Variants in NKAIN2 observed in about 807,000 individuals in gnomAD.
The protein encoded by NKAIN2 is sodium/potassium-transporting ATPase subunit beta-1-interacting protein 2.
NKAIN2 carries 14 observed loss-of-function variants against 32.6 expected under a neutral mutation model. That is an observed-to-expected ratio of 0.43 (90% CI 0.28 to 0.67). The LOEUF (loss-of-function observed/expected upper bound fraction) is 0.67. Ranked by LOEUF, NKAIN2 falls within the 30% of genes least tolerant of loss-of-function variation. The pLI is 0.17. For missense variants in NKAIN2, 198 were observed against 258.3 expected, an observed-to-expected ratio of 0.77 and a Z score of 1.60; for synonymous variants, 80 against 87.2, an observed-to-expected ratio of 0.92 and a Z score of 0.46.
At chr6:124,777,171 C>T (rs1273847436) in intron 4 of NKAIN2, among the ~76,000 whole-genome samples, 1 of 152,092 alleles carries the variant, frequency 6.6e-6, no homozygotes, top group East Asian at 1.9e-4. Flanking sequence ...GAAAGTTATG[C>T]TTTTGTGTAT....
intron 1 of NKAIN2, among the ~76,000 whole-genome samples, chr6:123,878,676 T>G (rs914176982): frequency 6.6e-6 from 1 of 152,176 alleles, no homozygotes; most frequent in African/African-American, 2.4e-5. Flanking sequence ...CGGGGTAAAC[T>G]TCAAGTGCTG....
At chr6:124,461,752 A>G (rs1776539802) in intron 3 of NKAIN2, among the ~76,000 whole-genome samples, 1 of 151,838 alleles carries the variant, frequency 6.6e-6, no homozygotes, top group Non-Finnish European at 1.5e-5. Context: ...TTTCTCTAAA[A>G]TATTTTACCA....
intron 1 of NKAIN2, among the ~76,000 whole-genome samples, chr6:124,019,566 G>A (rs1331086742): frequency 6.6e-6 from 1 of 152,034 alleles, no homozygotes; most frequent in Admixed American, 6.6e-5. Context: ...AGAGTAGTAA[G>A]CTCTTGGTCA....
intron 3 of NKAIN2, among the ~76,000 whole-genome samples, chr6:124,433,979 G>GA (rs531869087): frequency 1.9e-3 from 284 of 152,040 alleles, no homozygotes; most frequent in Non-Finnish European, 3.2e-3. Flanking sequence ...AGGATAAAGC[G>GA]AAAAAAATCC....
At chr6:124,612,995 T>G (rs150905713) in intron 3 of NKAIN2, among the ~76,000 whole-genome samples, 1 of 152,032 alleles carries the variant, frequency 6.6e-6, no homozygotes, top group African/African-American at 2.4e-5. Flanking sequence ...AAATACAAAG[T>G]CAACTAAAAG....
chr6:124,202,904 AC>A (rs1291688742), intron 1 of NKAIN2, among the ~76,000 whole-genome samples: 13 of 151,930 alleles, frequency 8.6e-5, no homozygotes, highest in African/African-American at 3.1e-4. Flanking sequence ...TGATTGTGGC[AC>A]CTACAAGAGG....
rs78518356 is a variant in NKAIN2, at chr6:123,890,016, C to A, written c.54+85762C>A. ...ATCTGCATGTGTTCAGTGAGAAGAA[C>A]CTACCACTCATCTTTGGTTCACCTC... On this transcript the variant is annotated intron_variant, in intron 1 of 6. Transcript: ENST00000368417. 3.6e-3 allele frequency among the ~76,000 whole-genome samples: 547 copies of A among 152,112 alleles called. 17 individuals are homozygous for A. The East Asian group carries it at 0.087, about 24-fold the overall frequency.
At chr6:123,895,486 C>T (rs1562244395) in intron 1 of NKAIN2, among the ~76,000 whole-genome samples, 1 of 152,260 alleles carries the variant, frequency 6.6e-6, no homozygotes, top group East Asian at 1.9e-4. Context: ...CTTACTCTTT[C>T]AGATCTACCT....
At chr6:124,416,058 G>T (rs1334854543) in intron 3 of NKAIN2, among the ~76,000 whole-genome samples, 2 of 151,516 alleles carry the variant, frequency 1.3e-5, no homozygotes, top group Non-Finnish European at 2.9e-5. Context: ...TGGAAAGATA[G>T]ACAACAATTT....
At chr6:123,863,998 A>G (rs1323559806) in intron 1 of NKAIN2, among the ~76,000 whole-genome samples, 1 of 152,246 alleles carries the variant, frequency 6.6e-6, no homozygotes, top group Non-Finnish European at 1.5e-5. Context: ...AAAGATCAAA[A>G]TAATCAAAGA....
chr6:124,489,762 T>G (rs1777789844), intron 3 of NKAIN2, among the ~76,000 whole-genome samples: 1 of 151,854 alleles, frequency 6.6e-6, no homozygotes. Flanking sequence ...TGGAGTCCAC[T>G]TGTATTGAAA....
intron 1 of NKAIN2, among the ~76,000 whole-genome samples, chr6:124,206,179 A>G (rs1249393203): frequency 2.0e-5 from 3 of 151,880 alleles, no homozygotes; most frequent in Non-Finnish European, 4.4e-5. Context: ...ATTTTCTATT[A>G]CTTTTTCCTA....
intron 4 of NKAIN2, among the ~76,000 whole-genome samples, chr6:124,727,200 C>T (rs555745250): frequency 1.3e-5 from 2 of 151,046 alleles, no homozygotes; most frequent in African/African-American, 4.9e-5. Context: ...TCAGGAAATA[C>T]AGAGAACACC....
intron 2 of NKAIN2, among the ~76,000 whole-genome samples, chr6:124,296,605 G>A (rs1247764038): frequency 6.6e-6 from 1 of 152,118 alleles, no homozygotes; most frequent in East Asian, 1.9e-4. Context: ...TTGGAGAATG[G>A]TGTACAAAAC....
At chr6:124,666,512 T>C (rs1286363052) in intron 4 of NKAIN2, among the ~76,000 whole-genome samples, 1 of 152,222 alleles carries the variant, frequency 6.6e-6, no homozygotes, top group Non-Finnish European at 1.5e-5. Flanking sequence ...CTTTCCAATC[T>C]ATTCTCTATT....
intron 1 of NKAIN2, among the ~76,000 whole-genome samples, chr6:124,062,493 A>G (rs1264959055): frequency 7.9e-5 from 12 of 152,192 alleles, no homozygotes. Flanking sequence ...CAGTGGCACG[A>G]GCATGGCTCA....
Position 124,686,552 on chromosome 6 carries a change from A to G in NKAIN2, c.474+28166A>G, listed in dbSNP as rs535052657. Among the ~76,000 whole-genome samples, 3 of 152,210 alleles carry G rather than the reference A, an allele frequency of 2.0e-5. No homozygotes were observed. In the East Asian group the frequency reaches 5.8e-4, roughly 29 times the overall value. Reference sequence around the variant, plus strand: ...GGGAACAGCACTAAACCATTCATGAAAAACCACCACCATGATCCAATCACC... The same window carrying G: ...GGGAACAGCACTAAACCATTCATGAGAAACCACCACCATGATCCAATCACC... On this transcript the variant is annotated intron_variant, in intron 4 of 6. Transcript: ENST00000368417.
chr6:124,719,015 A>G (rs1215741623), intron 4 of NKAIN2, among the ~76,000 whole-genome samples: 3 of 152,334 alleles, frequency 2.0e-5, no homozygotes, highest in African/African-American at 7.2e-5. Context: ...AGAAGACTTA[A>G]ATAATACTTA....
At chr6:124,715,602 G>A (rs1775716259) in intron 4 of NKAIN2, among the ~76,000 whole-genome samples, 1 of 152,196 alleles carries the variant, frequency 6.6e-6, no homozygotes, top group Non-Finnish European at 1.5e-5. Context: ...CACCAGGTGG[G>A]AGTCACTGAG....
Sources: gnomAD v4.1 joint callset for allele counts (sites outside exome capture counted in the v4.1 genomes callset) on GRCh38, gnomAD v4.1.1 for gene constraint, MANE v1.5 for transcripts, NCBI Gene and HGNC (gene_info 2026-07-23, HGNC 2026-07-21) for gene names.